The following PXDNL variants were observed in gnomAD, a reference collection of about 807,000 sequenced individuals.
PXDNL encodes the protein peroxidasin like, also known as probable oxidoreductase PXDNL.
In PXDNL, 145 loss-of-function variants were observed where a neutral mutation model predicts 150.8. The observed-to-expected ratio is 0.96, with a 90% CI of 0.84 to 1.10. The LOEUF (loss-of-function observed/expected upper bound fraction) is 1.10, where lower values mean the gene tolerates loss of function less well. Among genes scored for constraint, PXDNL ranks in the 50% least tolerant of loss-of-function variants. PXDNL has a pLI of 0.00. For synonymous variants in PXDNL, 757 were observed against 725.7 expected (o/e 1.04, Z -0.69); for missense variants, 2,087 against 1,873.9 (o/e 1.11, Z -2.10).
chr8:51,438,934 C>G (rs956817887), intron 12 of PXDNL, among the ~76,000 whole-genome samples: 1 of 152,142 alleles, frequency 6.6e-6, no homozygotes, highest in African/African-American at 2.4e-5. Context: ...CGAGATTGAT[C>G]AAGGACTTAA....
chr8:51,599,669 T>C (rs1813651279), intron 2 of PXDNL, among the ~76,000 whole-genome samples: 2 of 147,022 alleles, frequency 1.4e-5, no homozygotes, highest in Admixed American at 1.4e-4. Flanking sequence ...ATATCTTATA[T>C]AAATGATATC....
chr8:51,446,276 C>G (rs2129921414), intron 12 of PXDNL, among the ~76,000 whole-genome samples: 1 of 152,254 alleles, frequency 6.6e-6, no homozygotes, highest in South Asian at 2.1e-4. Context: ...TACGTCAGAA[C>G]AAATTGTAGC....
Position 51,426,545 on chromosome 8 carries a change from CAA to C in PXDNL, c.1638+99_1638+100del. The stretch of plus-strand genomic sequence containing the variant: ...AGGTATTATTTGCTAGCAAAAGTCG[CAA>C]CAGTAAAAAATCAATATGAGAATCA... On this transcript the variant is annotated intron_variant, in intron 13 of 22. Transcript: ENST00000356297. 6 of 636,328 alleles carry C rather than the reference CAA, an allele frequency of 9.4e-6. No individual in the cohort carries two copies. The South Asian group carries it at 1.3e-4, about 14-fold the overall frequency. 39.4% of individuals were successfully genotyped at this position (636,328 alleles called of 1,614,324 possible). A position where few individuals can be genotyped will look rare whatever the true frequency, so the allele number is the denominator to read the frequency against.
At chr8:51,759,011 T>C (rs1320932789) in intron 1 of PXDNL, among the ~76,000 whole-genome samples, 1 of 152,108 alleles carries the variant, frequency 6.6e-6, no homozygotes, top group Non-Finnish European at 1.5e-5. Context: ...GAGCAAGACA[T>C]GGGGAGAAGC....
intron 17 of PXDNL, among the ~76,000 whole-genome samples, chr8:51,403,548 T>C (rs1586075389): frequency 6.6e-6 from 1 of 152,338 alleles, no homozygotes; most frequent in East Asian, 1.9e-4. Flanking sequence ...TTGGACTCCT[T>C]GGTGCAGCAA....
rs561994329 is a variant in PXDNL at position 51,359,900 on chromosome 8, A to G, written c.3901+11973T>C. On this transcript the variant is annotated intron_variant, in intron 19 of 22. Transcript: ENST00000356297. ...CAAAGAATGGGAAAGACCACAGTCC[A>G]GGAATCCTATGCAAGTAAGATGCTC... Among the ~76,000 whole-genome samples, 105 of 152,356 alleles carry G rather than the reference A, an allele frequency of 6.9e-4. 1 individual carries two copies. The South Asian group carries it at 0.021, about 30-fold the overall frequency.
intron 4 of PXDNL, among the ~76,000 whole-genome samples, chr8:51,551,206 A>G (rs1812474214): frequency 6.6e-6 from 1 of 152,204 alleles, no homozygotes; most frequent in African/African-American, 2.4e-5. Flanking sequence ...AACACATTCT[A>G]TGTTCACAGA....
chr8:51,497,115 C>T (rs1379617067), intron 5 of PXDNL, among the ~76,000 whole-genome samples: 1 of 152,098 alleles, frequency 6.6e-6, no homozygotes, highest in East Asian at 1.9e-4. Context: ...GAACAGAGCC[C>T]TCAGAAATAA....
intron 14 of PXDNL, among the ~76,000 whole-genome samples, chr8:51,416,896 A>T (rs905142136): frequency 6.6e-6 from 1 of 152,252 alleles, no homozygotes; most frequent in Non-Finnish European, 1.5e-5. Context: ...TTGATAATAA[A>T]GCTTTCTCGT....
In PXDNL at chr8:51,447,318, AAC is replaced by A. The variant is rs1809699179; in HGVS notation, c.1367-158_1367-157del. ...TGTGCCCTAGGATTGCAACCCCAGA[AAC>A]ACAGCACCCCCATGCCGCTTGTCCC... On this transcript the variant is annotated intron_variant, in intron 11 of 22. Coordinates refer to ENST00000356297, the MANE Select transcript of PXDNL (RefSeq NM_144651.5). 2.0e-5 allele frequency among the ~76,000 whole-genome samples: 3 copies of A among 152,124 alleles called. No individual in the cohort carries two copies. The South Asian group carries it at 6.2e-4, about 32-fold the overall frequency.
chr8:51,491,536 C>A (rs979213842), intron 5 of PXDNL, among the ~76,000 whole-genome samples: 10 of 152,170 alleles, frequency 6.6e-5, no homozygotes, highest in Non-Finnish European at 1.3e-4. Flanking sequence ...CCATTCCCTG[C>A]CTTCCAAGCC....
intron 2 of PXDNL, among the ~76,000 whole-genome samples, chr8:51,623,936 T>C (rs1814309674): frequency 6.6e-6 from 1 of 151,254 alleles, no homozygotes; most frequent in Non-Finnish European, 1.5e-5. Flanking sequence ...TCTACAAAAA[T>C]TAAAAAAGTA....
chr8:51,503,210 A>G (rs1320282984), intron 4 of PXDNL, among the ~76,000 whole-genome samples: 3 of 152,180 alleles, frequency 2.0e-5, no homozygotes, highest in Admixed American at 6.5e-5. Context: ...CTGGACTTCA[A>G]TCTAATACAC....
intron 4 of PXDNL, among the ~76,000 whole-genome samples, chr8:51,504,028 C>T (rs1057058863): frequency 4.0e-5 from 6 of 151,824 alleles, no homozygotes; most frequent in Non-Finnish European, 5.9e-5. Context: ...TATCTATTTG[C>T]GCAACTCAGA....
At chr8:51,463,803 T>C (rs1306679326) in intron 8 of PXDNL, among the ~76,000 whole-genome samples, 1 of 152,080 alleles carries the variant, frequency 6.6e-6, no homozygotes, top group East Asian at 1.9e-4. Flanking sequence ...CAAGAATATC[T>C]CTCAAAATAC....
intron 21 of PXDNL, among the ~76,000 whole-genome samples, chr8:51,325,802 G>C (rs1018436899): frequency 2.0e-5 from 3 of 152,136 alleles, no homozygotes; most frequent in African/African-American, 7.2e-5. Flanking sequence ...GTGTCCTTAG[G>C]TGCCTCAGTA....
At chr8:51,459,534 G>T (rs1810016666) in intron 8 of PXDNL, among the ~76,000 whole-genome samples, 1 of 152,130 alleles carries the variant, frequency 6.6e-6, no homozygotes, top group South Asian at 2.1e-4. Context: ...ATATAAAACA[G>T]GCAGTAGCAC....
rs966576742 is a variant in PXDNL at position 51,472,079 on chromosome 8, T to G, written c.812+108A>C. 31 of 662,706 alleles carry G rather than the reference T, an allele frequency of 4.7e-5. No homozygotes were observed. In the Admixed American group the frequency reaches 7.7e-4, roughly 16 times the overall value. 41.1% of individuals were successfully genotyped at this position (662,706 alleles called of 1,614,324 possible). A position where few individuals can be genotyped will look rare whatever the true frequency, so the allele number is the denominator to read the frequency against. On this transcript the variant is annotated intron_variant, in intron 8 of 22. Transcript: ENST00000356297. ...AAAAGGCATTTTATCTTTAAGAAACTCTGAAAATTTTAGTAATTTCTTCTC... is the reference window on the plus strand; with the variant it reads ...AAAAGGCATTTTATCTTTAAGAAACGCTGAAAATTTTAGTAATTTCTTCTC...
intron 12 of PXDNL, among the ~76,000 whole-genome samples, chr8:51,446,663 G>A (rs545210573): frequency 6.6e-6 from 1 of 152,250 alleles, no homozygotes; most frequent in South Asian, 2.1e-4. Flanking sequence ...GTGTCAGAGT[G>A]AGATTCAGCA....
Sources: allele counts gnomAD v4.1 joint callset (sites outside exome capture counted in the v4.1 genomes callset), GRCh38; gene constraint gnomAD v4.1.1; transcripts MANE v1.5; gene names NCBI Gene and HGNC (gene_info 2026-07-23, HGNC 2026-07-21).